The following TP73 variants were observed in gnomAD, a reference collection of about 807,000 sequenced individuals.
TP73 encodes tumor protein p73.
In TP73, 25 loss-of-function variants were observed where a neutral mutation model predicts 62.5. That is an observed-to-expected ratio of 0.40 (90% CI 0.29 to 0.56). The LOEUF is 0.56. Among genes scored for constraint, TP73 ranks in the 20% least tolerant of loss-of-function variants. The pLI, the probability that TP73 is intolerant of heterozygous loss-of-function variation, is 0.46. For synonymous variants in TP73, 423 were observed against 377.5 expected (o/e 1.12, Z -1.40); for missense variants, 754 against 913.3 (o/e 0.83, Z 2.25).
At chr1:3,724,404 T>C (rs546061238) in intron 6 of TP73, among the ~76,000 whole-genome samples, 2 of 145,190 alleles carry the variant, frequency 1.4e-5, no homozygotes, top group East Asian at 2.1e-4. Context: ...CCCAGACTCC[T>C]GTACCCAGTC....
intron 4 of TP73, among the ~76,000 whole-genome samples, chr1:3,713,075 A>G (rs1640290114): frequency 6.6e-6 from 1 of 152,178 alleles, no homozygotes. Context: ...CTTGGACCGA[A>G]TGGGGTGTGG....
At chr1:3,684,723 C>T (rs1361640548) in intron 3 of TP73, among the ~76,000 whole-genome samples, 1 of 152,104 alleles carries the variant, frequency 6.6e-6, no homozygotes, top group Non-Finnish European at 1.5e-5. Context: ...AGCCCCTCAG[C>T]CTGTATCTGA....
chr1:3,732,048 G>C (rs951951045), intron 13 of TP73, among the ~76,000 whole-genome samples: 1 of 152,214 alleles, frequency 6.6e-6, no homozygotes, highest in East Asian at 1.9e-4. Context: ...CTTGTCTTTG[G>C]GTTAGAGACT....
intron 3 of TP73, among the ~76,000 whole-genome samples, chr1:3,685,361 G>A (rs1029066896): frequency 2.0e-5 from 3 of 152,174 alleles, no homozygotes; most frequent in Non-Finnish European, 4.4e-5. Context: ...TGGGAGCCTC[G>A]AACCTCCGCA....
chr1:3,671,423 G>A (rs768353859), intron 1 of TP73, among the ~76,000 whole-genome samples: 7 of 152,198 alleles, frequency 4.6e-5, no homozygotes, highest in Non-Finnish European at 8.8e-5. Context: ...CCCTCCATTC[G>A]CTTGTGAGTC....
rs906552788 is a variant in TP73 at position 3,672,581 on chromosome 1, C to T, written c.-33-9752C>T. ...CTCTGGCCATAAGCTCCGCTCTGTCCCAGCCCTGGACCCCTCACCCCCTAT... is the reference window on the plus strand; with the variant it reads ...CTCTGGCCATAAGCTCCGCTCTGTCTCAGCCCTGGACCCCTCACCCCCTAT... On this transcript the variant is annotated intron_variant, in intron 1 of 13. Transcript: ENST00000378295. This position sits in a 1 kb window ranked among gnomAD's most constrained non-coding sequence, Gnocchi z 5.3. 6.6e-6 allele frequency among the ~76,000 whole-genome samples: 1 copy of T among 152,084 alleles called. No individual in the cohort carries two copies. The highest frequency in any genetic ancestry group is 6.5e-5 in the Admixed American group (1 of 15,270).
chr1:3,659,085 T>C (rs1290731165), intron 1 of TP73: 1 of 152,040 alleles, frequency 6.6e-6, no homozygotes, highest in South Asian at 2.1e-4. Context: ...TGTTTCCTAG[T>C]CTGAAACTTC....
chr1:3,687,904 G>C (rs1447364365), intron 3 of TP73, among the ~76,000 whole-genome samples: 2 of 152,186 alleles, frequency 1.3e-5, no homozygotes, highest in East Asian at 1.9e-4. Flanking sequence ...GACACCCGGG[G>C]TCAGAACCTT....
intron 3 of TP73, among the ~76,000 whole-genome samples, chr1:3,695,878 AC>A (rs1457677962): frequency 2.0e-5 from 3 of 152,186 alleles, no homozygotes; most frequent in Non-Finnish European, 4.4e-5. Flanking sequence ...GTCAGGTGGT[AC>A]CACACCGTGG....
intron 9 of TP73, 81 bp from the exon 10 acceptor site, chr1:3,729,246 C>T: frequency 4.4e-6 from 7 of 1,583,288 alleles, no homozygotes; most frequent in African/African-American, 1.3e-5. Context: ...TTGCCAAGCC[C>T]AGGTCCTCCT....
chr1:3,660,023 A>G (rs1214014832), intron 1 of TP73, among the ~76,000 whole-genome samples: 1 of 152,194 alleles, frequency 6.6e-6, no homozygotes, highest in Non-Finnish European at 1.5e-5. Flanking sequence ...GCCTCATTAA[A>G]ATTGGCCTGA....
intron 3 of TP73, among the ~76,000 whole-genome samples, chr1:3,703,864 A>G (rs1639411241): frequency 6.6e-6 from 1 of 152,174 alleles, no homozygotes. Flanking sequence ...TGAGTCAGGA[A>G]TGGGGAAGTC....
chr1:3,732,836 C>A lies in TP73; in HGVS notation c.1668C>A (p.Thr556=), dbSNP rs145718621. ...QDLKQGHDYS[T]AQQLLRSSNA... ...TGAAGCAGGGCCACGACTACAGCAC[C>A]GCGCAGCAGCTGCTCCGCTCTAGCA... The change falls in exon 14 of 14, where the codon ACC becomes ACA. Residue 556 remains threonine (T), a synonymous_variant. Transcript: ENST00000378295. 6.2e-7 allele frequency: 1 copy of A among 1,611,854 alleles called. No individual in the cohort carries two copies. Among genetic ancestry groups the A allele is most frequent in the Non-Finnish European group, 8.5e-7 (1 of 1,179,516 alleles).
Position 3,729,460 on chromosome 1 carries a change from CT to C in TP73, c.1196+13del, listed in dbSNP as rs1235735874. On this transcript the variant is annotated intron_variant, in intron 10 of 13. Transcript: ENST00000378295. The stretch of plus-strand genomic sequence containing the variant: ...CTCCTACAGAGGCCGTGAGTCAGCC[CT>C]AGCCCACCATCAGTGTGGGGAAGGA... The C allele has an allele frequency of 6.2e-7, 1 of 1,612,392 alleles. No homozygotes were observed. Among genetic ancestry groups the C allele is most frequent in the African/African-American group, 1.3e-5 (1 of 74,926 alleles).
intron 4 of TP73, among the ~76,000 whole-genome samples, chr1:3,719,334 T>C (rs1228462639): frequency 6.6e-6 from 1 of 152,218 alleles, no homozygotes; most frequent in Non-Finnish European, 1.5e-5. Flanking sequence ...TGCTCAGCAA[T>C]GGGCAGCTCG....
In TP73 at chr1:3,722,095, G is replaced by A. The variant is rs192239892; in HGVS notation, c.504G>A (p.Pro168=). ...TCPIQIKVST[P]PPPGTAIRAM... ...CCATCCAGATCAAGGTGTCCACCCC[G>A]CCACCCCCAGGCACCGCCATCCGGG... The change falls in exon 5 of 14, where the codon CCG becomes CCA. Residue 168 remains proline (P), a synonymous_variant. Transcript: ENST00000378295. 89 of 1,612,780 alleles carry A rather than the reference G, an allele frequency of 5.5e-5. No homozygotes were observed. The East Asian group carries it at 9.1e-4, about 17-fold the overall frequency.
chr1:3,699,946 C>G lies in TP73; in HGVS notation c.187-7603C>G, dbSNP rs1456697805. On this transcript the variant is annotated intron_variant, in intron 3 of 13. Coordinates refer to ENST00000378295, the MANE Select transcript of TP73 (RefSeq NM_005427.4). This position sits in a 1 kb window ranked among gnomAD's most constrained non-coding sequence, Gnocchi z 4.1. ...TGCATGGCCAGACCGTGGGCTCGGG[C>G]CCCAGTCTCCTGATCTCCGCCAAGC... Among the ~76,000 whole-genome samples, 1 of 152,086 alleles carries G rather than the reference C, an allele frequency of 6.6e-6. No homozygotes were observed. The highest frequency in any genetic ancestry group is 1.5e-5 in the Non-Finnish European group (1 of 67,982).
chr1:3,733,372 A>G lies in TP73; in HGVS notation c.*293A>G, dbSNP rs908355025. 3 of 473,010 alleles carry G rather than the reference A, an allele frequency of 6.3e-6. No individual in the cohort carries two copies. 29.3% of individuals were successfully genotyped at this position (473,010 alleles called of 1,614,324 possible). A position where few individuals can be genotyped will look rare whatever the true frequency, so the allele number is the denominator to read the frequency against. ...CCCTGCCACTGCCCCGGCGTGCTCC[A>G]TGGCAGGCGTGGGTGGGGACCGCAG... On this transcript the variant is annotated 3_prime_UTR_variant, in exon 14 of 14. Coordinates refer to ENST00000378295, the MANE Select transcript of TP73 (RefSeq NM_005427.4).
At chr1:3,654,594 C>T (rs1479323657) in intron 1 of TP73, among the ~76,000 whole-genome samples, 1 of 152,200 alleles carries the variant, frequency 6.6e-6, no homozygotes, top group African/African-American at 2.4e-5. Context: ...AGGTGCCGTC[C>T]GAAGGGCTTG....
Sources: gnomAD v4.1 joint callset for allele counts (sites outside exome capture counted in the v4.1 genomes callset) on GRCh38, gnomAD v4.1.1 for gene constraint, Gnocchi (gnomAD v3.1) non-coding constraint, MANE v1.5 for transcripts, NCBI Gene and HGNC (gene_info 2026-07-23, HGNC 2026-07-21) for gene names.